FSIP2: variants seen among roughly 807,000 people sequenced by gnomAD.
FSIP2 encodes fibrous sheath-interacting protein 2.
In FSIP2, 367 loss-of-function variants were observed where a neutral mutation model predicts 510.5. The observed-to-expected ratio is 0.72, with a 90% confidence interval of 0.66 to 0.78. The LOEUF (loss-of-function observed/expected upper bound fraction) is 0.78. Ranked by LOEUF, FSIP2 falls within the 30% of genes least tolerant of loss-of-function variation. FSIP2 has a pLI of 0.00. For missense variants in FSIP2, 7,594 were observed against 7,901.7 expected (o/e 0.96, Z 1.48); for synonymous variants, 2,601 against 2,732.2 (o/e 0.95, Z 1.50).
chr2:185,779,984 A>T (rs1692809744), intron 13 of FSIP2, among the ~76,000 whole-genome samples: 1 of 150,872 alleles, frequency 6.6e-6, no homozygotes, highest in African/African-American at 2.4e-5. Flanking sequence ...GAGGCATAAG[A>T]ATCACTTGAA....
intron 7 of FSIP2, among the ~76,000 whole-genome samples, chr2:185,752,162 C>CT (rs1370738716): frequency 1.3e-5 from 2 of 150,232 alleles, no homozygotes; most frequent in African/African-American, 2.4e-5. Context: ...TTTTTGAAAA[C>CT]TTTTTTTTGA....
chr2:185,813,757 C>T lies in FSIP2; in HGVS notation c.20040C>T (p.Ile6680=), dbSNP rs925867746. The change falls in exon 18 of 23, where the codon ATC becomes ATT. Residue 6680 remains isoleucine (I), a synonymous_variant. Transcript: ENST00000424728. ...LTQTFAKEEG[I]KVFEDQVKEV... ...AGACTTTTGCAAAAGAAGAAGGCAT[C>T]AAAGTATTTGAAGATCAAGTGAAAG... 25 of 1,612,676 alleles carry T rather than the reference C, an allele frequency of 1.6e-5. No homozygotes were observed. The highest frequency in any genetic ancestry group is 2.1e-5 in the Non-Finnish European group (25 of 1,179,460).
At chr2:185,777,012 C>A (rs577279698) in intron 13 of FSIP2, among the ~76,000 whole-genome samples, 78 of 152,292 alleles carry the variant, frequency 5.1e-4, no homozygotes, top group African/African-American at 1.8e-3. Flanking sequence ...GCGTGAGCCA[C>A]CGTGCCTGGC....
At chr2:185,829,751 T>G (rs996838280) in intron 21 of FSIP2, among the ~76,000 whole-genome samples, 3 of 151,970 alleles carry the variant, frequency 2.0e-5, no homozygotes, top group African/African-American at 7.2e-5. Flanking sequence ...TTCTCTGCTT[T>G]CTTTTGTCAC....
intron 13 of FSIP2, among the ~76,000 whole-genome samples, chr2:185,780,585 C>T (rs1692827719): frequency 1.3e-5 from 2 of 151,628 alleles, no homozygotes; most frequent in South Asian, 4.1e-4. Flanking sequence ...TATATTTAAA[C>T]ATATAAAGTC....
chr2:185,741,182 T>C (rs1691915241), intron 2 of FSIP2, among the ~76,000 whole-genome samples: 1 of 152,210 alleles, frequency 6.6e-6, no homozygotes, highest in Non-Finnish European at 1.5e-5. Flanking sequence ...TTTACTCTAT[T>C]GCCATTTTCT....
intron 13 of FSIP2, among the ~76,000 whole-genome samples, chr2:185,769,157 G>C (rs1692557007): frequency 6.6e-6 from 1 of 152,120 alleles, no homozygotes; most frequent in African/African-American, 2.4e-5. Flanking sequence ...AGCCAGTAAT[G>C]GGATCTCAGG....
Position 185,801,604 on chromosome 2 carries a change from C to A in FSIP2, c.12298C>A (p.Leu4100Ile). The A allele has an allele frequency of 1.3e-6, 2 of 1,533,342 alleles. No individual in the cohort carries two copies. Among genetic ancestry groups the A allele is most frequent in the Non-Finnish European group, 1.7e-6 (2 of 1,145,258 alleles). 95.0% of individuals were successfully genotyped at this position (1,533,342 alleles called of 1,614,324 possible). The change falls in exon 17 of 23, where the codon CTC becomes ATC. Residue 4100 changes from leucine to isoleucine, a missense_variant. Transcript: ENST00000424728. The part of the protein sequence containing the change: ...YKLPSCFKEH[L>I]IPHSYYPLKP... ...ACTGCCATCTTGCTTCAAGGAACAT[C>A]TCATACCCCATTCATATTACCCTCT...
Position 185,802,679 on chromosome 2 carries a change from C to A in FSIP2, c.13373C>A (p.Pro4458His). 6.5e-7 allele frequency: 1 copy of A among 1,532,600 alleles called. No individual in the cohort carries two copies. The highest frequency in any genetic ancestry group is 1.2e-5 in the South Asian group (1 of 83,730). 94.9% of individuals were successfully genotyped at this position (1,532,600 alleles called of 1,614,324 possible). ...SKSTEPSQSVPLYNTLLPYTF... is the reference protein window; with the variant it reads ...SKSTEPSQSVHLYNTLLPYTF... ...TCTACTGAGCCAAGCCAGAGTGTAC[C>A]TCTATATAACACCTTGCTGCCATAC... Residue 4458 changes from proline to histidine, a missense_variant, in exon 17 of 23, where the codon CCT becomes CAT. Coordinates refer to ENST00000424728, the MANE Select transcript of FSIP2 (RefSeq NM_173651.4).
In FSIP2 at chr2:185,790,135, A is replaced by T. The variant is rs1042028576; in HGVS notation, c.2999A>T (p.Tyr1000Phe). 8.5e-6 allele frequency: 13 copies of T among 1,533,594 alleles called. No individual in the cohort carries two copies. The East Asian group carries it at 2.9e-4, about 35-fold the overall frequency. 95.0% of individuals were successfully genotyped at this position (1,533,594 alleles called of 1,614,324 possible). A position where few individuals can be genotyped will look rare whatever the true frequency, so the allele number is the denominator to read the frequency against. ...ATAAATGTTCCAGGCATGGTTCTTT[A>T]TTCTGATGATGAAAATGAGGAAATA... ...PPINVPGMVL[Y>F]SDDENEEIDN... The change falls in exon 16 of 23, where the codon TAT (tyrosine) becomes TTT (phenylalanine). Residue 1000 changes from tyrosine to phenylalanine, a missense_variant. Transcript: ENST00000424728.
intron 13 of FSIP2, among the ~76,000 whole-genome samples, chr2:185,771,937 C>A (rs936935320): frequency 6.6e-6 from 1 of 152,184 alleles, no homozygotes; most frequent in Non-Finnish European, 1.5e-5. Flanking sequence ...CACATCATTT[C>A]TCGAATGCTT....
At chr2:185,756,986 C>T (rs1692258226) in intron 9 of FSIP2, among the ~76,000 whole-genome samples, 1 of 151,268 alleles carries the variant, frequency 6.6e-6, no homozygotes, top group Admixed American at 6.6e-5. Context: ...GTTGCCTTAG[C>T]CTAGGATGTC....
At chr2:185,748,473 T>C (rs903995476) in intron 7 of FSIP2, among the ~76,000 whole-genome samples, 14 of 151,654 alleles carry the variant, frequency 9.2e-5, no homozygotes, top group Non-Finnish European at 2.1e-4. Context: ...TAATACTCAG[T>C]TTTTCACTAT....
Position 185,803,007 on chromosome 2 carries a change from C to T in FSIP2, c.13701C>T (p.Ser4567=), listed in dbSNP as rs960588801. 1 of 1,530,324 alleles carries T rather than the reference C, an allele frequency of 6.5e-7. No individual in the cohort carries two copies. The highest frequency in any genetic ancestry group is 2.5e-5 in the East Asian group (1 of 40,794). 94.8% of individuals were successfully genotyped at this position (1,530,324 alleles called of 1,614,324 possible). A position where few individuals can be genotyped will look rare whatever the true frequency, so the allele number is the denominator to read the frequency against. Reference sequence around the variant, plus strand: ...AATCAGCTGTGCAAAATATCACAAGCAGTAATGACATTCTTATAGATAGAA... The same window carrying T: ...AATCAGCTGTGCAAAATATCACAAGTAGTAATGACATTCTTATAGATAGAA... ...SQESAVQNIT[S]SNDILIDRIA... The change falls in exon 17 of 23, where the codon AGC becomes AGT. Residue 4567 remains serine, a synonymous_variant. Coordinates refer to ENST00000424728, the MANE Select transcript of FSIP2 (RefSeq NM_173651.4).
Position 185,789,733 on chromosome 2 carries a change from A to T in FSIP2, c.2597A>T (p.Gln866Leu). The change falls in exon 16 of 23, where the codon CAA becomes CTA. Residue 866 changes from glutamine to leucine, a missense_variant. Gln to Leu is a moderately radical substitution (Grantham distance 113). Transcript: ENST00000424728. ...HKTDPICMFL[Q>L]RAGKNKSSLE... ...ACAGACCCAATATGTATGTTCCTTC[A>T]AAGAGCTGGCAAAAATAAATCTAGT... 6.5e-7 allele frequency: 1 copy of T among 1,534,476 alleles called. No homozygotes were observed. Among genetic ancestry groups the T allele is most frequent in the Non-Finnish European group, 8.7e-7 (1 of 1,145,796 alleles).
rs1559034137 is a variant in FSIP2 at position 185,804,710 on chromosome 2, C to T, written c.15404C>T (p.Thr5135Ile). 6.5e-7 allele frequency: 1 copy of T among 1,530,646 alleles called. No homozygotes were observed. Among genetic ancestry groups the T allele is most frequent in the Non-Finnish European group, 8.7e-7 (1 of 1,144,352 alleles). 94.8% of individuals were successfully genotyped at this position (1,530,646 alleles called of 1,614,324 possible). ...LLGHVFPSTH[T>I]ENELKEKKFP... ...GGGCATGTCTTCCCTTCAACTCACA[C>T]TGAAAATGAACTAAAAGAGAAAAAG... Residue 5135 changes from threonine (T) to isoleucine (I), a missense_variant, in exon 17 of 23, where the codon ACT (threonine) becomes ATT (isoleucine). Coordinates refer to ENST00000424728, the MANE Select transcript of FSIP2 (RefSeq NM_173651.4).
chr2:185,763,272 G>A lies in FSIP2; in HGVS notation c.1330G>A (p.Asp444Asn). 1.4e-6 allele frequency: 2 copies of A among 1,471,632 alleles called. No individual in the cohort carries two copies. Among genetic ancestry groups the A allele is most frequent in the East Asian group, 2.5e-5 (1 of 40,548 alleles). 91.2% of individuals were successfully genotyped at this position (1,471,632 alleles called of 1,614,324 possible). A position where few individuals can be genotyped will look rare whatever the true frequency, so the allele number is the denominator to read the frequency against. ...TTCCAGAGTTTCACAGGCATTTTTG[G>A]ATCCTTCAAAAGAAGAGGTATATAA... is the stretch of plus-strand genomic sequence containing the variant. ...NFSRVSQAFLDPSKEEKETNA... is the reference protein window; with the variant it reads ...NFSRVSQAFLNPSKEEKETNA... Residue 444 changes from aspartate to asparagine, a missense_variant, in exon 12 of 23, where the codon GAT (aspartate) becomes AAT (asparagine). Physicochemically the swap from Asp to Asn is conservative, Grantham distance 23. Transcript: ENST00000424728.
Position 185,813,762 on chromosome 2 carries a change from T to A in FSIP2, c.20045T>A (p.Val6682Glu), listed in dbSNP as rs1314871929. The A allele has an allele frequency of 6.2e-7, 1 of 1,612,828 alleles. No individual in the cohort carries two copies. Among genetic ancestry groups the A allele is most frequent in the South Asian group, 1.1e-5 (1 of 91,042 alleles). Residue 6682 changes from valine to glutamate, a missense_variant, in exon 18 of 23, where the codon GTA becomes GAA. Transcript: ENST00000424728. ...TTTGCAAAAGAAGAAGGCATCAAAG[T>A]ATTTGAAGATCAAGTGAAAGAAGTC... The part of the protein sequence containing the change: ...QTFAKEEGIK[V>E]FEDQVKEVKK...
chr2:185,769,449 A>C (rs1274568716), intron 13 of FSIP2, among the ~76,000 whole-genome samples: 1 of 152,136 alleles, frequency 6.6e-6, no homozygotes, highest in East Asian at 1.9e-4. Flanking sequence ...GTGTCTGTTC[A>C]TATCCTTTGC....
Sources: gnomAD v4.1 joint callset for allele counts (sites outside exome capture counted in the v4.1 genomes callset) on GRCh38, gnomAD v4.1.1 for gene constraint, MANE v1.5 for transcripts, NCBI Gene and HGNC (gene_info 2026-07-23, HGNC 2026-07-21) for gene names.